Variants in CCDC171 observed in about 807,000 individuals in gnomAD.
CCDC171 encodes coiled-coil domain-containing protein 171.
A neutral mutation model predicts 168.2 loss-of-function variants in CCDC171; 177 were observed. That is an observed-to-expected ratio of 1.05 (90% CI 0.93 to 1.19). The LOEUF is 1.19. Among genes scored for constraint, CCDC171 ranks in the 50% most tolerant of loss-of-function variants. CCDC171 has a pLI of 0.00. For synonymous variants in CCDC171, 687 were observed against 540.8 expected, an observed-to-expected ratio of 1.27 and a Z score of -3.75; for missense variants, 1,991 against 1,539.0, an observed-to-expected ratio of 1.29 and a Z score of -4.91.
At chr9:16,080,978 T>G in the CCDC171 span, among the ~76,000 whole-genome samples, 2 of 152,158 alleles carry the variant, frequency 1.3e-5, no homozygotes, top group Admixed American at 1.3e-4. Flanking sequence ...GCCTATTAAG[T>G]TTATTTGCAG....
chr9:16,054,750 C>T (rs2133076708), intron 1 of CCDC171, among the ~76,000 whole-genome samples: 1 of 152,318 alleles, frequency 6.6e-6, no homozygotes, highest in South Asian at 2.1e-4. Context: ...AGGATCACTG[C>T]AGGTCAGAGC....
intron 18 of CCDC171, among the ~76,000 whole-genome samples, chr9:15,748,203 C>T (rs987678500): frequency 6.6e-6 from 1 of 151,964 alleles, no homozygotes; most frequent in East Asian, 1.9e-4. Context: ...CAGATTTGAT[C>T]AAGCGGAAGA....
At chr9:15,691,737 G>A (rs2050812522) in intron 10 of CCDC171, among the ~76,000 whole-genome samples, 1 of 151,926 alleles carries the variant, frequency 6.6e-6, no homozygotes, top group Admixed American at 6.6e-5. Flanking sequence ...GAGTGCAGTG[G>A]CACAATGATG....
rs145553096 is a variant in CCDC171, at chr9:15,918,078, A to G, written c.3601-2192A>G. ...AAGAGAGTGAGTTTGCTTGAGAAAT[A>G]CTTGGATTTGTATCCTGACCATTGT... is the stretch of plus-strand genomic sequence containing the variant. On this transcript the variant is annotated intron_variant, in intron 24 of 25. Coordinates refer to ENST00000380701, the MANE Select transcript of CCDC171 (RefSeq NM_173550.4). Among the ~76,000 whole-genome samples the G allele has an allele frequency of 6.3e-4, 95 of 151,802 alleles. 1 individual carries two copies. The East Asian group carries it at 0.017, about 27-fold the overall frequency.
chr9:15,601,355 T>A (rs750378124), intron 6 of CCDC171, among the ~76,000 whole-genome samples: 5 of 152,194 alleles, frequency 3.3e-5, no homozygotes, highest in African/African-American at 4.8e-5. Flanking sequence ...ATGTCATTAT[T>A]GAAAATACCA....
intron 6 of CCDC171, among the ~76,000 whole-genome samples, chr9:15,597,727 C>G (rs1258961400): frequency 1.3e-5 from 2 of 152,148 alleles, no homozygotes; most frequent in African/African-American, 4.8e-5. Context: ...ATGGTACCAG[C>G]TCCTCCTTGT....
intron 23 of CCDC171, among the ~76,000 whole-genome samples, chr9:15,855,154 C>G (rs2061300709): frequency 6.6e-6 from 1 of 151,622 alleles, no homozygotes. Flanking sequence ...GTGTCCTATT[C>G]ATTAGTGAAA....
chr9:16,022,680 A>C (rs1236431321), intron 5 of CCDC171: 2 of 152,232 alleles, frequency 1.3e-5, no homozygotes, highest in African/African-American at 4.8e-5. Context: ...ACCTTTTCCA[A>C]ATAGAAAAGC....
At chr9:15,945,997 G>A (rs1419126102) in intron 25 of CCDC171, among the ~76,000 whole-genome samples, 1 of 151,362 alleles carries the variant, frequency 6.6e-6, no homozygotes, top group African/African-American at 2.4e-5. Context: ...TTTCTTCTCT[G>A]GTTTTTATGG....
chr9:15,881,328 C>A (rs1475101608), intron 24 of CCDC171, among the ~76,000 whole-genome samples: 1 of 152,012 alleles, frequency 6.6e-6, no homozygotes, highest in Non-Finnish European at 1.5e-5. Context: ...CTTTTTGTTT[C>A]TTTTTCTCAT....
intron 3 of CCDC171, among the ~76,000 whole-genome samples, chr9:16,011,864 C>T (rs1341835896): frequency 6.6e-6 from 1 of 152,180 alleles, no homozygotes; most frequent in South Asian, 2.1e-4. Flanking sequence ...CACTCCTGCT[C>T]ATCAGTCAGA....
Position 15,591,529 on chromosome 9 carries a change from A to G in CCDC171, c.516A>G (p.Glu172=), listed in dbSNP as rs560152348. The change falls in exon 5 of 26, where the codon GAA becomes GAG. Residue 172 remains glutamate, a synonymous_variant. Transcript: ENST00000380701. ...CNREYDLLMK[E]KSRLEKTLQE... ...GAGAATATGATTTACTTATGAAAGA[A>G]AAAAGCAGACTAGAGAAAACTCTAC... The G allele has an allele frequency of 6.3e-7, 1 of 1,584,898 alleles. No individual in the cohort carries two copies. The highest frequency in any genetic ancestry group is 1.9e-5 in the Admixed American group (1 of 53,312).
chr9:16,000,139 T>C (rs1044311594), intron 3 of CCDC171, among the ~76,000 whole-genome samples: 3 of 152,176 alleles, frequency 2.0e-5, no homozygotes, highest in African/African-American at 7.2e-5. Context: ...GAGAGTCACA[T>C]TGCATGCCCT....
intron 9 of CCDC171, among the ~76,000 whole-genome samples, chr9:15,670,305 C>G (rs558087995): frequency 1.3e-5 from 2 of 152,048 alleles, no homozygotes; most frequent in Non-Finnish European, 2.9e-5. Context: ...ATGACAGATG[C>G]ACTTAATTAT....
At chr9:16,039,915 G>T (rs966295735), upstream of CCDC171, among the ~76,000 whole-genome samples, 2 of 152,138 alleles carry the variant, frequency 1.3e-5, no homozygotes, top group African/African-American at 4.8e-5. Flanking sequence ...GAAGGAAGGA[G>T]ATTGGACCGG....
chr9:15,911,736 A>C (rs1032593870), intron 24 of CCDC171, among the ~76,000 whole-genome samples: 1 of 152,208 alleles, frequency 6.6e-6, no homozygotes, highest in Non-Finnish European at 1.5e-5. Context: ...AGGTGTAAGG[A>C]AGGGGGTCCA....
At chr9:15,570,117 G>A (rs932905740) in intron 2 of CCDC171, among the ~76,000 whole-genome samples, 2 of 151,912 alleles carry the variant, frequency 1.3e-5, no homozygotes, top group African/African-American at 4.8e-5. Flanking sequence ...TTACAAGCAT[G>A]AGCCACCACA....
chr9:15,775,553 C>G (rs1238735011), intron 18 of CCDC171, among the ~76,000 whole-genome samples: 1 of 152,038 alleles, frequency 6.6e-6, no homozygotes, highest in Admixed American at 6.6e-5. Context: ...CTCCTGACCT[C>G]GTGATCTGCC....
intron 21 of CCDC171, among the ~76,000 whole-genome samples, chr9:15,813,902 G>C (rs1418432675): frequency 1.9e-4 from 29 of 152,142 alleles, no homozygotes; most frequent in Admixed American, 1.9e-3. Context: ...ATTTAGTTGA[G>C]TAATAGGATC....
Sources: allele counts gnomAD v4.1 joint callset (sites outside exome capture counted in the v4.1 genomes callset), GRCh38; gene constraint gnomAD v4.1.1; transcripts MANE v1.5; gene names NCBI Gene and HGNC (gene_info 2026-07-23, HGNC 2026-07-21).